The following STXBP5 variants were observed in gnomAD, a reference collection of about 807,000 sequenced individuals.
The protein encoded by STXBP5 is syntaxin-binding protein 5.
STXBP5 carries 50 observed loss-of-function variants against 152.4 expected under a neutral mutation model. The observed-to-expected ratio is 0.33, with a 90% confidence interval of 0.26 to 0.42. The LOEUF (loss-of-function observed/expected upper bound fraction) is 0.42, where lower values mean the gene tolerates loss of function less well. STXBP5 is among the 10% of genes least tolerant of loss of function. STXBP5 has a pLI of 1.00. For synonymous variants in STXBP5, 492 were observed against 494.7 expected (o/e 0.99, Z 0.07); for missense variants, 1,167 against 1,388.6 (o/e 0.84, Z 2.54).
At chr6:147,298,621 A>G (rs1381376497) in intron 9 of STXBP5, among the ~76,000 whole-genome samples, 1 of 152,090 alleles carries the variant, frequency 6.6e-6, no homozygotes, top group Non-Finnish European at 1.5e-5. Flanking sequence ...GATAGAGATC[A>G]TATCAAGTAG....
intron 25 of STXBP5, among the ~76,000 whole-genome samples, chr6:147,370,635 G>A (rs887153365): frequency 6.6e-6 from 1 of 151,742 alleles, no homozygotes; most frequent in African/African-American, 2.4e-5. Context: ...TGCTATAATC[G>A]TAGAGGTGGA....
At chr6:147,349,310 G>C (rs1784484897) in intron 21 of STXBP5, among the ~76,000 whole-genome samples, 2 of 152,138 alleles carry the variant, frequency 1.3e-5, no homozygotes, top group Admixed American at 1.3e-4. Context: ...AAGCATTAGA[G>C]CCTTGGTTAT....
At chr6:147,324,912 C>T in intron 16 of STXBP5, 47 bp from the exon 17 acceptor site, 2 of 1,400,018 alleles carry the variant, frequency 1.4e-6, no homozygotes, top group East Asian at 2.6e-5. Flanking sequence ...TCATATAGGC[C>T]AATAGTTGAA....
intron 21 of STXBP5, among the ~76,000 whole-genome samples, chr6:147,342,527 T>C (rs921976313): frequency 2.0e-5 from 3 of 152,204 alleles, no homozygotes; most frequent in Non-Finnish European, 4.4e-5. Flanking sequence ...ATGTAGTATG[T>C]ATGCATATGG....
chr6:147,255,229 C>T (rs1158532407), intron 4 of STXBP5, among the ~76,000 whole-genome samples: 5 of 152,184 alleles, frequency 3.3e-5, no homozygotes, highest in African/African-American at 1.2e-4. Context: ...GAAAACCAAA[C>T]ACCACATTTT....
chr6:147,333,570 A>G (rs1169276399), intron 18 of STXBP5, among the ~76,000 whole-genome samples: 2 of 152,154 alleles, frequency 1.3e-5, no homozygotes, highest in Non-Finnish European at 2.9e-5. Flanking sequence ...AGAACTTCCT[A>G]TCTAATGAAA....
intron 25 of STXBP5, among the ~76,000 whole-genome samples, chr6:147,372,493 G>A (rs1785606795): frequency 1.7e-5 from 2 of 116,892 alleles, no homozygotes; most frequent in Admixed American, 2.5e-4. Flanking sequence ...GGAGTGCAGT[G>A]GTGCAATCTC....
At chr6:147,232,610 A>T (rs984155583) in intron 2 of STXBP5, among the ~76,000 whole-genome samples, 1 of 151,786 alleles carries the variant, frequency 6.6e-6, no homozygotes, top group Non-Finnish European at 1.5e-5. Flanking sequence ...TTGAGAAAAA[A>T]TCATTTCTCT....
intron 1 of STXBP5, among the ~76,000 whole-genome samples, chr6:147,205,370 G>GTATATATATATATATA (rs1776487094): frequency 2.3e-5 from 2 of 88,270 alleles, no homozygotes; most frequent in Non-Finnish European, 4.5e-5. Context: ...TTAAAAGTGT[G>GTATATATATATATATA]CATATATATA....
chr6:147,266,424 T>G (rs553813789), intron 6 of STXBP5, among the ~76,000 whole-genome samples: 114 of 152,174 alleles, frequency 7.5e-4, no homozygotes, highest in South Asian at 1.2e-3. Flanking sequence ...GAAGAGGCCC[T>G]AGAGATGGAG....
intron 9 of STXBP5, among the ~76,000 whole-genome samples, chr6:147,305,845 C>G (rs909952937): frequency 6.6e-6 from 1 of 151,958 alleles, no homozygotes; most frequent in African/African-American, 2.4e-5. Flanking sequence ...ATTCTGCTTA[C>G]CAAACATATA....
chr6:147,332,516 A>G (rs1783626605), intron 18 of STXBP5, among the ~76,000 whole-genome samples: 1 of 152,236 alleles, frequency 6.6e-6, no homozygotes, highest in African/African-American at 2.4e-5. Flanking sequence ...TTCATACAAG[A>G]GAACAAGCAC....
At chr6:147,223,169 T>C (rs564579083) in intron 2 of STXBP5, among the ~76,000 whole-genome samples, 24 of 152,252 alleles carry the variant, frequency 1.6e-4, no homozygotes, top group Non-Finnish European at 2.5e-4. Context: ...TTAACTTTTA[T>C]TGGTGAAAAC....
At chr6:147,243,219 G>A (rs1778636757) in intron 4 of STXBP5, among the ~76,000 whole-genome samples, 1 of 152,094 alleles carries the variant, frequency 6.6e-6, no homozygotes, top group Admixed American at 6.6e-5. Context: ...TTGAATAAGA[G>A]GTCCTTTTGC....
intron 21 of STXBP5, among the ~76,000 whole-genome samples, chr6:147,341,641 A>G (rs1166246670): frequency 6.6e-6 from 1 of 151,924 alleles, no homozygotes. Context: ...GTTCTTCGAG[A>G]GTAACTGCTG....
chr6:147,235,316 G>A lies in STXBP5; in HGVS notation c.315G>A (p.Gln105=), dbSNP rs765183292. ...GTGGAGCTGCAGTAATCCAGCTCCA[G>A]TTCCTGATTAATGAGGTTAGTGAAT... ...HDSGAAVIQL[Q]FLINEGALVS... Residue 105 remains glutamine, a synonymous_variant, in exon 3 of 28, where the codon CAG becomes CAA. Coordinates refer to ENST00000321680, the MANE Select transcript of STXBP5 (RefSeq NM_001127715.4). 27 of 1,612,524 alleles carry A rather than the reference G, an allele frequency of 1.7e-5. No homozygotes were observed. Among genetic ancestry groups the A allele is most frequent in the Non-Finnish European group, 2.0e-5 (24 of 1,179,058 alleles).
chr6:147,229,762 G>A (rs1222078724), intron 2 of STXBP5, among the ~76,000 whole-genome samples: 1 of 151,530 alleles, frequency 6.6e-6, no homozygotes, highest in Non-Finnish European at 1.5e-5. Flanking sequence ...TTTTTTAGTG[G>A]ATTTCTTAGA....
At chr6:147,346,966 G>A (rs778152041) in intron 21 of STXBP5, among the ~76,000 whole-genome samples, 5 of 152,150 alleles carry the variant, frequency 3.3e-5, no homozygotes, top group African/African-American at 7.2e-5. Context: ...GACAGAGCAC[G>A]TTCCCGTTGC....
chr6:147,272,916 G>C (rs989508240), intron 7 of STXBP5, among the ~76,000 whole-genome samples: 1 of 151,802 alleles, frequency 6.6e-6, no homozygotes, highest in Non-Finnish European at 1.5e-5. Flanking sequence ...ACTCTCCCCT[G>C]GTTGTGTCTC....
Sources: allele counts gnomAD v4.1 joint callset (sites outside exome capture counted in the v4.1 genomes callset), GRCh38; gene constraint gnomAD v4.1.1; transcripts MANE v1.5; gene names NCBI Gene and HGNC (gene_info 2026-07-23, HGNC 2026-07-21).